The following CFAP65 variants were observed in gnomAD, a reference collection of about 807,000 sequenced individuals.
CFAP65 encodes the protein cilia and flagella associated protein 65.
A neutral mutation model predicts 208.0 loss-of-function variants in CFAP65; 155 were observed. That is an observed-to-expected ratio of 0.75 (90% CI 0.65 to 0.85). The LOEUF is 0.85. CFAP65 is among the 40% of genes least tolerant of loss of function. The pLI, the probability that CFAP65 is intolerant of heterozygous loss-of-function variation, is 0.00. For synonymous variants in CFAP65, 970 were observed against 986.3 expected, an observed-to-expected ratio of 0.98 and a Z score of 0.31; for missense variants, 2,294 against 2,451.3, an observed-to-expected ratio of 0.94 and a Z score of 1.36.
At chr2:219,016,658 C>A (rs1054089433) in intron 21 of CFAP65, among the ~76,000 whole-genome samples, 1 of 152,160 alleles carries the variant, frequency 6.6e-6, no homozygotes, top group Non-Finnish European at 1.5e-5. Context: ...GGCTTCTATG[C>A]CATCTTGCAC....
At position 219,027,067 on chromosome 2, in the gene CFAP65, T is replaced by C. The variant is rs866597057; in HGVS notation, c.2211+583A>G. ...TTCTCTGGGCCCCAAGACCTTGGCC[T>C]CTGGGCAAGGGCAGTGGGGTGGGCA... On this transcript the variant is annotated intron_variant, in intron 13 of 34. Coordinates refer to ENST00000341552, the MANE Select transcript of CFAP65 (RefSeq NM_194302.4). 10 of 1,020,036 alleles carry C rather than the reference T, an allele frequency of 9.8e-6. No homozygotes were observed. The African/African-American group carries it at 1.4e-4, about 14-fold the overall frequency. The allele number at this position is 1,020,036 out of a possible 1,614,324, so 63.2% of individuals were successfully genotyped here. A position where few individuals can be genotyped will look rare whatever the true frequency, so the allele number is the denominator to read the frequency against.
In CFAP65 at chr2:219,030,348, C is replaced by A. The variant is rs143601665; in HGVS notation, c.1162-140G>T. The A allele has an allele frequency of 1.3e-4, 117 of 886,262 alleles. No individual in the cohort carries two copies. In the African/African-American group the frequency reaches 1.5e-3, roughly 11 times the overall value. 54.9% of individuals were successfully genotyped at this position (886,262 alleles called of 1,614,324 possible). A position where few individuals can be genotyped will look rare whatever the true frequency, so the allele number is the denominator to read the frequency against. The stretch of plus-strand genomic sequence containing the variant: ...TCCAGCCTGTGCCCCACTGGCCAGA[C>A]TGCCTCCACCAGGAGGAGAGAAGGG... On this transcript the variant is annotated intron_variant, in intron 9 of 34. Coordinates refer to ENST00000341552, the MANE Select transcript of CFAP65 (RefSeq NM_194302.4).
intron 9 of CFAP65, 139 bp downstream of exon 9, chr2:219,030,550 G>T: frequency 8.4e-7 from 1 of 1,190,830 alleles, no homozygotes; most frequent in Non-Finnish European, 1.2e-6. Flanking sequence ...GGACACACCT[G>T]TTGACAGCTG....
At chr2:219,009,647 G>A (rs1446390057) in intron 27 of CFAP65, among the ~76,000 whole-genome samples, 187 bp from the exon 28 acceptor site, 1 of 121,868 alleles carries the variant, frequency 8.2e-6, no homozygotes, top group African/African-American at 3.8e-5. Context: ...GGGATGGGAT[G>A]GGATGGGATA....
At chr2:219,014,850 G>C (rs1403925287) in intron 21 of CFAP65, 1 of 137,114 alleles carries the variant, frequency 7.3e-6, no homozygotes, top group Non-Finnish European at 1.5e-5. Context: ...ACCTGAAAGT[G>C]CGCAACACAC....
At position 219,038,422 on chromosome 2, in the gene CFAP65, T is replaced by G; in HGVS notation, c.310A>C (p.Asn104His). 6.2e-7 allele frequency: 1 copy of G among 1,613,808 alleles called. No homozygotes were observed. The highest frequency in any genetic ancestry group is 8.5e-7 in the Non-Finnish European group (1 of 1,180,010). ...GCACTCATGGCTGCACTGCTGTCGT[T>G]GATGGCAGGGATGGCCACTGTGCTG... The part of the protein sequence containing the change: ...SASTVAIPAI[N>H]DSSAAMSACS... Residue 104 changes from asparagine to histidine, a missense_variant, in exon 4 of 35, where the codon AAC becomes CAC. By Grantham distance (68) the Asn-to-His change is moderately conservative. Transcript: ENST00000341552.
chr2:219,030,027 C>G lies in CFAP65; in HGVS notation c.1343G>C (p.Cys448Ser). The G allele has an allele frequency of 6.2e-7, 1 of 1,614,098 alleles. No homozygotes were observed. Among genetic ancestry groups the G allele is most frequent in the Non-Finnish European group, 8.5e-7 (1 of 1,180,018 alleles). ...GACTTTAAGCAGGGTCTTGGAGGCA[C>G]AGCCAGAAGGCATGATGGAGCAGTA... ...VDYCSIMPSG[C>S]ASKTLLKVVG... Residue 448 changes from cysteine to serine, a missense_variant, in exon 10 of 35, where the codon TGT (cysteine) becomes TCT (serine). Physicochemically the swap from Cys to Ser is moderately radical, Grantham distance 112. Coordinates refer to ENST00000341552, the MANE Select transcript of CFAP65 (RefSeq NM_194302.4).
intron 13 of CFAP65, chr2:219,026,412 G>C (rs1439752805): frequency 5.3e-6 from 2 of 375,294 alleles, no homozygotes; most frequent in Non-Finnish European, 9.6e-6. Flanking sequence ...GCTGGGATGT[G>C]AAAGCACCAT....
chr2:219,027,187 C>A (rs553681324), intron 13 of CFAP65: 7 of 1,239,952 alleles, frequency 5.6e-6, no homozygotes, highest in African/African-American at 1.5e-5. Context: ...AGCCGGCACT[C>A]GGAGTTCCCG....
intron 22 of CFAP65, 29 bp from the exon 23 acceptor site, chr2:219,013,614 G>C (rs749658221): frequency 1.3e-6 from 2 of 1,566,496 alleles, no homozygotes; most frequent in Non-Finnish European, 1.7e-6. Flanking sequence ...GTCTGGGAGT[G>C]AGTTCTGGAG....
chr2:219,028,396 T>C lies in CFAP65; in HGVS notation c.1656A>G (p.Pro552=), dbSNP rs1379831839. The part of the protein sequence containing the change: ...RVACLIHHQD[P]LFLDLMGTCH... ...AGGTCCCCATCAGGTCCAGGAACAGTGGGTCCTGTGACATTTGTCTGTGTG... is the reference window on the plus strand; with the variant it reads ...AGGTCCCCATCAGGTCCAGGAACAGCGGGTCCTGTGACATTTGTCTGTGTG... The change falls in exon 12 of 35, where the codon CCA becomes CCG. Residue 552 remains proline (P), a synonymous_variant. Coordinates refer to ENST00000341552, the MANE Select transcript of CFAP65 (RefSeq NM_194302.4). 6.3e-7 allele frequency: 1 copy of C among 1,595,894 alleles called. No homozygotes were observed. The highest frequency in any genetic ancestry group is 1.4e-5 in the African/African-American group (1 of 71,200).
chr2:219,004,215 C>T lies in CFAP65; in HGVS notation c.5292G>A (p.Glu1764=), dbSNP rs916896885. 1 of 1,614,018 alleles carries T rather than the reference C, an allele frequency of 6.2e-7. No homozygotes were observed. Among genetic ancestry groups the T allele is most frequent in the South Asian group, 1.1e-5 (1 of 91,070 alleles). ...CTTCTTCCTCTTCACCCTTCTCCTC[C>T]TCCCCCTCTTCCTTCTTTCCCAACC... ...YPGLGKKEEG[E]EEKGEEEEEE... Residue 1764 remains glutamate, a synonymous_variant, in exon 33 of 35, where the codon GAG becomes GAA. Transcript: ENST00000341552. This position sits in a 1 kb window ranked among gnomAD's most constrained non-coding sequence, Gnocchi z 4.7.
At chr2:219,013,214 A>G in intron 24 of CFAP65, 45 bp downstream of exon 24, 5 of 1,316,090 alleles carry the variant, frequency 3.8e-6, no homozygotes, top group Non-Finnish European at 5.5e-6. Flanking sequence ...CCTAGAGATC[A>G]ACACTTAGGC....
At chr2:219,013,027 A>AT (rs1946589272) in intron 24 of CFAP65, among the ~76,000 whole-genome samples, 1 of 152,158 alleles carries the variant, frequency 6.6e-6, no homozygotes. Flanking sequence ...AAAAATCCTC[A>AT]TTTTTTAATT....
rs1373062258 is a variant in CFAP65 at position 219,009,439 on chromosome 2, CT to C, written c.4473del (p.Ile1491MetfsTer14). On this transcript the variant is annotated frameshift_variant, in exon 28 of 35. Transcript: ENST00000341552. LOFTEE classifies it high-confidence loss of function. ...DFGEVSVSPM[I>X]GVVAPEETVP... The stretch of plus-strand genomic sequence containing the variant: ...ACCGTCTCTTCAGGAGCCACCACCC[CT>C]ATCATGGGACTCACAGACACCTGTT... 22 of 1,612,288 alleles carry C rather than the reference CT, an allele frequency of 1.4e-5. No homozygotes were observed. The highest frequency in any genetic ancestry group is 1.7e-5 in the Non-Finnish European group (20 of 1,179,676).
chr2:219,037,988 A>G (rs1948461923), intron 4 of CFAP65, among the ~76,000 whole-genome samples: 1 of 152,180 alleles, frequency 6.6e-6, no homozygotes, highest in South Asian at 2.1e-4. Flanking sequence ...CTTCCTGAGG[A>G]AAGAGAAATC....
In CFAP65 at chr2:219,029,274, T is replaced by A. The variant is rs10203226; in HGVS notation, c.1650+129A>T. The A allele has an allele frequency of 3.1e-3, 3,725 of 1,220,704 alleles. 84 individuals are homozygous for A. The African/African-American group carries it at 0.049, about 16-fold the overall frequency. 75.6% of individuals were successfully genotyped at this position (1,220,704 alleles called of 1,614,324 possible). On this transcript the variant is annotated intron_variant, in intron 11 of 34. Transcript: ENST00000341552. ...AAAAGCCAGGGCTGGGGCCCAGGAG[T>A]GGGAGACCACCAGGCAGACAGCCCT... is the stretch of plus-strand genomic sequence containing the variant.
Position 219,022,224 on chromosome 2 carries a change from T to G in CFAP65, c.2926A>C (p.Thr976Pro). 1 of 1,606,254 alleles carries G rather than the reference T, an allele frequency of 6.2e-7. No homozygotes were observed. Among genetic ancestry groups the G allele is most frequent in the Non-Finnish European group, 8.5e-7 (1 of 1,176,760 alleles). The part of the protein sequence containing the change: ...GLSPNANPAA[T>P]THYMLRLVGV... ...ACCAGCCGGAGCATGTAGTGGGTGG[T>G]GGCAGCGGGGTTGGCATTTGGGGAC... Residue 976 changes from threonine (T) to proline (P), a missense_variant, in exon 17 of 35, where the codon ACC (threonine) becomes CCC (proline). Around this residue, in one of 2 missense-constraint regions of CFAP65, gnomAD observed 1,427 missense variants for 1,438.7 expected, o/e 0.99. Transcript: ENST00000341552.
intron 5 of CFAP65, among the ~76,000 whole-genome samples, chr2:219,033,392 C>CT (rs936281157): frequency 6.6e-6 from 1 of 152,034 alleles, no homozygotes; most frequent in Non-Finnish European, 1.5e-5. Context: ...AGGAGGATTG[C>CT]TTGAGCCTAG....
Sources: allele counts gnomAD v4.1 joint callset (sites outside exome capture counted in the v4.1 genomes callset), GRCh38; gene constraint gnomAD v4.1.1; regional missense constraint gnomAD v4.1.1; non-coding constraint Gnocchi (gnomAD v3.1); transcripts MANE v1.5; gene names NCBI Gene and HGNC (gene_info 2026-07-23, HGNC 2026-07-21).